Variants in PKNOX2 observed in about 807,000 individuals in gnomAD.
PKNOX2 encodes the protein homeobox protein PKNOX2.
A neutral mutation model predicts 53.1 loss-of-function variants in PKNOX2; 14 were observed. The ratio of observed to expected loss-of-function variants is 0.26; its 90% confidence interval spans 0.17 to 0.41. The LOEUF is 0.41. Among genes scored for constraint, PKNOX2 ranks in the 10% least tolerant of loss-of-function variants. PKNOX2 has a pLI of 1.00. For missense variants in PKNOX2, 496 were observed against 602.8 expected (o/e 0.82, Z 1.85); for synonymous variants, 257 against 242.8 (o/e 1.06, Z -0.54).
rs1349888293 is a variant in PKNOX2, at chr11:125,432,055, C to T, written c.*663C>T. ...AGAAAGGGATGGGAGCCACAGTGCC[C>T]TTCACTCTCTCCTGGAAACCAACTG... On this transcript the variant is annotated 3_prime_UTR_variant, in exon 13 of 13. Transcript: ENST00000298282. 6.6e-6 allele frequency: 1 copy of T among 152,530 alleles called. No homozygotes were observed. Among genetic ancestry groups the T allele is most frequent in the Non-Finnish European group, 1.5e-5 (1 of 68,296 alleles). 9.4% of individuals were successfully genotyped at this position (152,530 alleles called of 1,614,324 possible). A position where few individuals can be genotyped will look rare whatever the true frequency, so the allele number is the denominator to read the frequency against.
chr11:125,283,769 G>T (rs932245121), intron 2 of PKNOX2, among the ~76,000 whole-genome samples: 2 of 152,190 alleles, frequency 1.3e-5, no homozygotes, highest in Non-Finnish European at 2.9e-5. Context: ...CCTCCTGGTG[G>T]TGGGGAGTGG....
chr11:125,223,701 C>T (rs1162386077), intron 1 of PKNOX2, among the ~76,000 whole-genome samples: 1 of 151,956 alleles, frequency 6.6e-6, no homozygotes, highest in Non-Finnish European at 1.5e-5. Context: ...CTTTGACTTC[C>T]AGAAGATTAA....
At chr11:125,366,773 T>C (rs533212517) in intron 4 of PKNOX2, among the ~76,000 whole-genome samples, 1 of 152,364 alleles carries the variant, frequency 6.6e-6, no homozygotes, top group South Asian at 2.1e-4. Flanking sequence ...CCTAGATTCA[T>C]ATGATGAACT....
chr11:125,372,708 T>C (rs1432999784), intron 5 of PKNOX2, among the ~76,000 whole-genome samples: 1 of 152,222 alleles, frequency 6.6e-6, no homozygotes, highest in Non-Finnish European at 1.5e-5. Context: ...AATGATCTCC[T>C]TCCTCGCAGC....
chr11:125,247,303 T>C (rs1943638184), intron 2 of PKNOX2, among the ~76,000 whole-genome samples: 1 of 152,164 alleles, frequency 6.6e-6, no homozygotes, highest in Non-Finnish European at 1.5e-5. Context: ...GAGGAGTGCC[T>C]CTGTGACAAC....
At chr11:125,425,910 A>G (rs1956388832) in intron 10 of PKNOX2, among the ~76,000 whole-genome samples, 1 of 33,348 alleles carries the variant, frequency 3.0e-5, no homozygotes, top group East Asian at 0.056. Context: ...GTGCGTCCTG[A>G]GATACTGGAC....
intron 2 of PKNOX2, among the ~76,000 whole-genome samples, chr11:125,265,031 G>A (rs1365760218): frequency 6.6e-6 from 1 of 152,154 alleles, no homozygotes; most frequent in Admixed American, 6.5e-5. Flanking sequence ...GCTCAAGCCT[G>A]TAATCCCAGC....
At chr11:125,359,390 CT>C (rs1324420402) in intron 4 of PKNOX2, among the ~76,000 whole-genome samples, 1 of 152,100 alleles carries the variant, frequency 6.6e-6, no homozygotes, top group Admixed American at 6.5e-5. Context: ...TCTTCTCTTT[CT>C]TTTTTGTTTT....
At chr11:125,359,672 C>T (rs12420645) in intron 4 of PKNOX2, among the ~76,000 whole-genome samples, 1 of 152,206 alleles carries the variant, frequency 6.6e-6, no homozygotes, top group Admixed American at 6.5e-5. Context: ...AAACTGATCC[C>T]ATACCTGGCT....
At chr11:125,351,934 C>T (rs1412558434) in intron 4 of PKNOX2, among the ~76,000 whole-genome samples, 1 of 152,112 alleles carries the variant, frequency 6.6e-6, no homozygotes, top group Non-Finnish European at 1.5e-5. Flanking sequence ...CTGCACACCC[C>T]GCAACCCTTT....
chr11:125,202,406 G>A (rs932574153), intron 1 of PKNOX2, among the ~76,000 whole-genome samples: 1 of 152,196 alleles, frequency 6.6e-6, no homozygotes, highest in Non-Finnish European at 1.5e-5. Flanking sequence ...GGCTTCTAGA[G>A]CCCATCCTTC....
intron 10 of PKNOX2, among the ~76,000 whole-genome samples, chr11:125,428,398 C>A (rs1956533316): frequency 6.6e-6 from 1 of 152,146 alleles, no homozygotes; most frequent in Non-Finnish European, 1.5e-5. Context: ...AATAACAATA[C>A]CTAACCTGCC....
intron 2 of PKNOX2, among the ~76,000 whole-genome samples, chr11:125,285,207 G>A (rs1946820010): frequency 6.6e-6 from 1 of 152,110 alleles, no homozygotes; most frequent in Admixed American, 6.5e-5. Context: ...CACAGAGACA[G>A]AGCCTGAACC....
At chr11:125,427,273 A>G (rs754830674) in intron 10 of PKNOX2, among the ~76,000 whole-genome samples, 4 of 152,144 alleles carry the variant, frequency 2.6e-5, no homozygotes, top group Non-Finnish European at 4.4e-5. Flanking sequence ...TGGCTCCTGT[A>G]ATGCTGATGT....
At chr11:125,385,918 G>C (rs1238374109) in intron 6 of PKNOX2, among the ~76,000 whole-genome samples, 196 bp downstream of exon 6, 2 of 152,206 alleles carry the variant, frequency 1.3e-5, no homozygotes, top group African/African-American at 4.8e-5. Flanking sequence ...TCCATGCACA[G>C]GCTTTGCTGC....
Position 125,194,762 on chromosome 11 carries a change from G to A in PKNOX2, c.-201+29986G>A, listed in dbSNP as rs142362939. Among the ~76,000 whole-genome samples the A allele has an allele frequency of 4.7e-3, 712 of 152,250 alleles. 7 individuals are homozygous for A. The highest frequency in any genetic ancestry group is 0.016 in the African/African-American group (677 of 41,528). ...ATGAGTTAAAACAGACTCATTCAAC[G>A]CATTTTTAGTGATGGGAAAGATGCT... On this transcript the variant is annotated intron_variant, in intron 1 of 12. Coordinates refer to ENST00000298282, the MANE Select transcript of PKNOX2 (RefSeq NM_001382323.2).
intron 1 of PKNOX2, among the ~76,000 whole-genome samples, chr11:125,212,757 T>C (rs1016394024): frequency 6.6e-6 from 1 of 151,954 alleles, no homozygotes; most frequent in Non-Finnish European, 1.5e-5. Flanking sequence ...GAGGTCCTCT[T>C]GACCGGTTCT....
intron 2 of PKNOX2, among the ~76,000 whole-genome samples, chr11:125,237,986 TC>T (rs1942857662): frequency 6.6e-6 from 1 of 152,152 alleles, no homozygotes; most frequent in African/African-American, 2.4e-5. Flanking sequence ...GGGCAGCCCT[TC>T]CTCCCTGACC....
intron 2 of PKNOX2, among the ~76,000 whole-genome samples, chr11:125,299,360 T>C (rs1167378064): frequency 6.6e-6 from 1 of 151,834 alleles, no homozygotes; most frequent in Admixed American, 6.6e-5. Context: ...AACCCAGCTG[T>C]AGTCTGAGTG....
Sources: allele counts gnomAD v4.1 joint callset (sites outside exome capture counted in the v4.1 genomes callset), GRCh38; gene constraint gnomAD v4.1.1; transcripts MANE v1.5; gene names NCBI Gene and HGNC (gene_info 2026-07-23, HGNC 2026-07-21).